Variants in VPS16 observed in about 807,000 individuals in gnomAD.
The protein encoded by VPS16 is VPS16 core subunit of CORVET and HOPS complexes.
VPS16 carries 82 observed loss-of-function variants against 116.0 expected under a neutral mutation model. The ratio of observed to expected loss-of-function variants is 0.71; its 90% CI spans 0.59 to 0.85. The LOEUF is 0.85. VPS16 is among the 40% of genes least tolerant of loss of function. The probability of loss-of-function intolerance (pLI) is 0.00; values close to 1 mark genes in which losing one functional copy is unlikely to be tolerated. For missense variants in VPS16, 928 were observed against 1,090.6 expected (o/e 0.85, Z 2.10); for synonymous variants, 406 against 420.7 (o/e 0.96, Z 0.43).
intron 1 of VPS16, among the ~76,000 whole-genome samples, chr20:2,857,740 T>A (rs1599992283): frequency 6.6e-6 from 1 of 151,748 alleles, no homozygotes; most frequent in South Asian, 2.1e-4. Context: ...GATAGAGTTT[T>A]GCTCTTGCTC....
chr20:2,854,795 C>CAAA (rs200987248), intron 1 of VPS16, among the ~76,000 whole-genome samples: 1,336 of 130,896 alleles, frequency 0.01, 28 homozygotes, highest in African/African-American at 0.034. Flanking sequence ...GACTCCATCT[C>CAAA]AAAAAAAAAA....
chr20:2,846,947 C>T (rs1331745711), intron 1 of VPS16, among the ~76,000 whole-genome samples: 1 of 152,186 alleles, frequency 6.6e-6, no homozygotes, highest in African/African-American at 2.4e-5. Context: ...ACTTCTGGGA[C>T]GTAGGAGTGG....
At chr20:2,850,571 A>G (rs2089108029) in intron 1 of VPS16, among the ~76,000 whole-genome samples, 1 of 152,080 alleles carries the variant, frequency 6.6e-6, no homozygotes, top group Non-Finnish European at 1.5e-5. Flanking sequence ...GGTTGCAGTT[A>G]GCCGAGATTT....
In VPS16 at chr20:2,863,837, G is replaced by GA. The variant is rs1028039466; in HGVS notation, c.1477-110dup. 42 of 1,412,622 alleles carry GA rather than the reference G, an allele frequency of 3.0e-5. No homozygotes were observed. The highest frequency in any genetic ancestry group is 2.3e-4 in the Middle Eastern group (1 of 4,268). 87.5% of individuals were successfully genotyped at this position (1,412,622 alleles called of 1,614,324 possible). A position where few individuals can be genotyped will look rare whatever the true frequency, so the allele number is the denominator to read the frequency against. ...AAGAAGAAAGAGAGAAAGAAAGAAA[G>GA]AAGAAGGAAGGGAGGGAGGAAGGGA... On this transcript the variant is annotated intron_variant, in intron 15 of 23. Coordinates refer to ENST00000380445, the MANE Select transcript of VPS16 (RefSeq NM_022575.4). This position sits in a 1 kb window ranked among gnomAD's most constrained non-coding sequence, Gnocchi z 4.4.
chr20:2,845,582 G>A (rs1202337759), intron 1 of VPS16, among the ~76,000 whole-genome samples: 4 of 149,778 alleles, frequency 2.7e-5, no homozygotes, highest in Admixed American at 2.0e-4. Flanking sequence ...CAACTTGGGA[G>A]GCTGAAAAAA....
At chr20:2,851,969 C>CA (rs2089127346) in intron 1 of VPS16, among the ~76,000 whole-genome samples, 1 of 152,128 alleles carries the variant, frequency 6.6e-6, no homozygotes, top group Non-Finnish European at 1.5e-5. Flanking sequence ...GACGCTGTCT[C>CA]AAAAAACCTG....
chr20:2,858,587 G>T (rs943932071), intron 1 of VPS16, among the ~76,000 whole-genome samples: 1 of 152,064 alleles, frequency 6.6e-6, no homozygotes, highest in Non-Finnish European at 1.5e-5. Flanking sequence ...GAAGGTCCCT[G>T]AAATGATACC....
intron 22 of VPS16, 195 bp from the exon 23 acceptor site, chr20:2,866,017 G>A (rs896791843): frequency 5.0e-6 from 3 of 605,826 alleles, no homozygotes; most frequent in African/African-American, 3.7e-5. Context: ...CAGAGCTTTG[G>A]TTTAGGTGAT....
rs1005989248 is a variant in VPS16, at chr20:2,860,164, G to C, written c.240+13G>C. On this transcript the variant is annotated intron_variant, in intron 3 of 23. Coordinates refer to ENST00000380445, the MANE Select transcript of VPS16 (RefSeq NM_022575.4). The surrounding 1 kb of genome is among the most constrained non-coding windows in gnomAD (Gnocchi z 6.1). The stretch of plus-strand genomic sequence containing the variant: ...GGCCAGCCTGCTGGTGAGCACTTCT[G>C]ATGGTCCCTGGGGCTCAGGGCTGGA... 1 of 1,614,078 alleles carries C rather than the reference G, an allele frequency of 6.2e-7. No individual in the cohort carries two copies. Among genetic ancestry groups the C allele is most frequent in the Non-Finnish European group, 8.5e-7 (1 of 1,180,018 alleles).
At chr20:2,851,406 C>T (rs952623441) in intron 1 of VPS16, among the ~76,000 whole-genome samples, 1 of 151,856 alleles carries the variant, frequency 6.6e-6, no homozygotes, top group East Asian at 1.9e-4. Context: ...GTTGGGGGTT[C>T]GAGATCAGCC....
rs1386288829 is a variant in VPS16 at position 2,864,757 on chromosome 20, A to C, written c.1926+103A>C. On this transcript the variant is annotated intron_variant, in intron 19 of 23. Transcript: ENST00000380445. The surrounding 1 kb of genome is among the most constrained non-coding windows in gnomAD (Gnocchi z 5.2). ...GGCCTTCGTGTTGGGTGCACACTCC[A>C]TCTGGTCCTCACTGTGAGGGAGACT... is the stretch of plus-strand genomic sequence containing the variant. 2 of 1,293,718 alleles carry C rather than the reference A, an allele frequency of 1.5e-6. No individual in the cohort carries two copies. The highest frequency in any genetic ancestry group is 2.2e-6 in the Non-Finnish European group (2 of 911,204). The allele number at this position is 1,293,718 out of a possible 1,614,324, so 80.1% of individuals were successfully genotyped here. A position where few individuals can be genotyped will look rare whatever the true frequency, so the allele number is the denominator to read the frequency against.
In VPS16 at chr20:2,866,295, C is replaced by T. The variant is rs1195158171; in HGVS notation, c.2355C>T (p.Val785=). ...CCCGCGTGGGTCCCGAGCAGAAGGT[C>T]AAGGCTTTGCTTCTTGTTGGGTGCG... The part of the protein sequence containing the change: ...YASRVGPEQK[V]KALLLVGDVA... The change falls in exon 23 of 24, where the codon GTC becomes GTT. Residue 785 remains valine, a synonymous_variant. Transcript: ENST00000380445. 5.0e-6 allele frequency: 8 copies of T among 1,613,960 alleles called. No homozygotes were observed. In the Admixed American group the frequency reaches 6.7e-5, roughly 13 times the overall value.
At chr20:2,862,456 G>T in intron 11 of VPS16, 123 bp from the exon 12 acceptor site, 1 of 1,489,652 alleles carries the variant, frequency 6.7e-7, no homozygotes, top group East Asian at 2.4e-5. Flanking sequence ...TGAGGGAGTT[G>T]GGGCTCCAGC....
At chr20:2,853,930 C>T (rs914270361) in intron 1 of VPS16, among the ~76,000 whole-genome samples, 3 of 151,976 alleles carry the variant, frequency 2.0e-5, no homozygotes, top group African/African-American at 7.2e-5. Context: ...GCCTCAGCCT[C>T]CCAAAATGCA....
In VPS16 at chr20:2,840,835, G is replaced by GGGCCCCCCCCCC; in HGVS notation, c.53+8_53+9insGGCCCCCCCCCC. The GGGCCCCCCCCCC allele has an allele frequency of 6.6e-7, 1 of 1,524,320 alleles. No homozygotes were observed. The highest frequency in any genetic ancestry group is 8.9e-7 in the Non-Finnish European group (1 of 1,127,996). The allele number at this position is 1,524,320 out of a possible 1,614,324, so 94.4% of individuals were successfully genotyped here. ...GGACTCTGCCTTTTACCGGTGAGCT[G>GGGCCCCCCCCCC]CCCCGCCCTCCCGCCCACGGCCTGG... is the stretch of plus-strand genomic sequence containing the variant. On this transcript the variant is annotated intron_variant, in intron 1 of 23. Transcript: ENST00000380445.
At chr20:2,853,143 C>T (rs1270226956) in intron 1 of VPS16, among the ~76,000 whole-genome samples, 1 of 152,294 alleles carries the variant, frequency 6.6e-6, no homozygotes, top group South Asian at 2.1e-4. Flanking sequence ...GTAGTCCCAG[C>T]ACTTTAGGAG....
Position 2,863,506 on chromosome 20 carries a change from T to G in VPS16, c.1476+108T>G. On this transcript the variant is annotated intron_variant, in intron 15 of 23. Transcript: ENST00000380445. The surrounding 1 kb of genome is among the most constrained non-coding windows in gnomAD (Gnocchi z 4.4). Reference sequence around the variant, plus strand: ...CGCTGGGCACGGTGGCTCATGCCTGTAATCCCAACACTTTGGGAGGCTGAG... The same window carrying G: ...CGCTGGGCACGGTGGCTCATGCCTGGAATCCCAACACTTTGGGAGGCTGAG... 9.0e-7 allele frequency: 1 copy of G among 1,114,082 alleles called. No homozygotes were observed. The highest frequency in any genetic ancestry group is 1.3e-6 in the Non-Finnish European group (1 of 762,560). The allele number at this position is 1,114,082 out of a possible 1,614,324, so 69.0% of individuals were successfully genotyped here.
intron 22 of VPS16, 84 bp from the exon 23 acceptor site, chr20:2,866,128 T>A: frequency 8.6e-7 from 1 of 1,156,882 alleles, no homozygotes; most frequent in Non-Finnish European, 1.3e-6. Flanking sequence ...ATGGACGATG[T>A]ATGCATTGCG....
chr20:2,843,223 A>G lies in VPS16; in HGVS notation c.53+2396A>G, dbSNP rs141053229. On this transcript the variant is annotated intron_variant, in intron 1 of 23. Coordinates refer to ENST00000380445, the MANE Select transcript of VPS16 (RefSeq NM_022575.4). ...CTGAGGCAGGCAGATCACGAGGTCAAGAGTTCGAGATCAGCCTGGCCAACA... is the reference window on the plus strand; with the variant it reads ...CTGAGGCAGGCAGATCACGAGGTCAGGAGTTCGAGATCAGCCTGGCCAACA... Among the ~76,000 whole-genome samples, 800 of 152,050 alleles carry G rather than the reference A, an allele frequency of 5.3e-3. 5 individuals are homozygous for G. The highest frequency in any genetic ancestry group is 0.018 in the African/African-American group (740 of 41,470).
Sources: allele counts gnomAD v4.1 joint callset (sites outside exome capture counted in the v4.1 genomes callset), GRCh38; gene constraint gnomAD v4.1.1; non-coding constraint Gnocchi (gnomAD v3.1); transcripts MANE v1.5; gene names NCBI Gene and HGNC (gene_info 2026-07-23, HGNC 2026-07-21).